MAML1: variants seen among roughly 807,000 people sequenced by gnomAD.
MAML1 encodes mastermind-like protein 1.
Under a neutral mutation model 77.1 loss-of-function variants are expected in MAML1, and 14 were observed. The ratio of observed to expected loss-of-function variants is 0.18; its 90% confidence interval spans 0.12 to 0.28. MAML1 has a LOEUF of 0.28. Ranked by LOEUF, MAML1 falls within the 10% of genes least tolerant of loss-of-function variation. The pLI, the probability that MAML1 is intolerant of heterozygous loss-of-function variation, is 1.00. For synonymous variants in MAML1, 516 were observed against 551.9 expected (o/e 0.93, Z 0.91); for missense variants, 1,217 against 1,327.8 (o/e 0.92, Z 1.30).
chr5:179,758,872 G>A (rs532237204), intron 1 of MAML1, among the ~76,000 whole-genome samples: 11 of 152,088 alleles, frequency 7.2e-5, no homozygotes, highest in East Asian at 1.9e-4. Context: ...GCATGGTGGC[G>A]CACGCCTGTC....
intron 2 of MAML1, among the ~76,000 whole-genome samples, chr5:179,767,119 A>G (rs1276910195): frequency 2.5e-5 from 1 of 39,768 alleles, no homozygotes; most frequent in South Asian, 5.7e-4. Context: ...TTTTTTTTTT[A>G]CTACCTTTCA....
At chr5:179,734,095 A>G (rs1013374705) in intron 1 of MAML1, among the ~76,000 whole-genome samples, 3 of 152,206 alleles carry the variant, frequency 2.0e-5, no homozygotes, top group Admixed American at 6.5e-5. Flanking sequence ...TTGTTGGTCA[A>G]TTATTACTCC....
At chr5:179,759,680 TG>T (rs1779689297) in intron 1 of MAML1, among the ~76,000 whole-genome samples, 1 of 152,100 alleles carries the variant, frequency 6.6e-6, no homozygotes, top group Admixed American at 6.6e-5. Flanking sequence ...ATGTTGACCA[TG>T]GGATTGGGTT....
At position 179,775,010 on chromosome 5, in the gene MAML1, G is replaced by A. The variant is rs1416961598; in HGVS notation, c.*133G>A. The A allele has an allele frequency of 3.4e-6, 5 of 1,472,236 alleles. No individual in the cohort carries two copies. The highest frequency in any genetic ancestry group is 3.6e-6 in the Non-Finnish European group (4 of 1,120,022). The allele number at this position is 1,472,236 out of a possible 1,614,324, so 91.2% of individuals were successfully genotyped here. A position where few individuals can be genotyped will look rare whatever the true frequency, so the allele number is the denominator to read the frequency against. ...GGCAGGTAGAGCCCAAGCTCCAGGT[G>A]AGGCCTGGCCCTGGGCAGGGTCTGT... is the stretch of plus-strand genomic sequence containing the variant. On this transcript the variant is annotated 3_prime_UTR_variant, in exon 5 of 5. Transcript: ENST00000292599.
intron 1 of MAML1, among the ~76,000 whole-genome samples, chr5:179,735,541 C>T (rs943125964): frequency 2.0e-5 from 3 of 152,136 alleles, no homozygotes; most frequent in Admixed American, 2.0e-4. Context: ...GTGCTGGCCA[C>T]CATGCCCAGC....
intron 1 of MAML1, among the ~76,000 whole-genome samples, chr5:179,758,587 A>G (rs2113365453): frequency 6.6e-6 from 1 of 151,892 alleles, no homozygotes; most frequent in East Asian, 1.9e-4. Context: ...ATGGCGTCTC[A>G]CTGTGTTGCC....
In MAML1 at chr5:179,775,428, G is replaced by A. The variant is rs1237511594; in HGVS notation, c.*551G>A. 8 of 985,426 alleles carry A rather than the reference G, an allele frequency of 8.1e-6. No individual in the cohort carries two copies. The highest frequency in any genetic ancestry group is 9.6e-6 in the Non-Finnish European group (8 of 829,934). 61.0% of individuals were successfully genotyped at this position (985,426 alleles called of 1,614,324 possible). A position where few individuals can be genotyped will look rare whatever the true frequency, so the allele number is the denominator to read the frequency against. Reference sequence around the variant, plus strand: ...AAACCTAGGGTTTCCTTTTGATTAAGAGCCTTTTTTGTTTCTGCTCTTTGT... The same window carrying A: ...AAACCTAGGGTTTCCTTTTGATTAAAAGCCTTTTTTGTTTCTGCTCTTTGT... On this transcript the variant is annotated 3_prime_UTR_variant, in exon 5 of 5. Transcript: ENST00000292599.
rs79276061 is a variant in MAML1 at position 179,776,368 on chromosome 5, C to T, written c.*1491C>T. On this transcript the variant is annotated 3_prime_UTR_variant, in exon 5 of 5. Transcript: ENST00000292599. ...ACCAGCCTGAGTCGCGGTGAGGGGA[C>T]GAGAGGTTGTACACACATTGGTAGT... The T allele has an allele frequency of 6.3e-4, 623 of 985,772 alleles. 3 individuals are homozygous for T. The African/African-American group carries it at 0.01, about 16-fold the overall frequency. The allele number at this position is 985,772 out of a possible 1,614,324, so 61.1% of individuals were successfully genotyped here. A position where few individuals can be genotyped will look rare whatever the true frequency, so the allele number is the denominator to read the frequency against.
intron 1 of MAML1, among the ~76,000 whole-genome samples, chr5:179,758,932 A>C (rs1779675026): frequency 6.6e-6 from 1 of 151,858 alleles, no homozygotes; most frequent in South Asian, 2.1e-4. Context: ...GAACCTGCAG[A>C]GGTTGCAGTG....
At chr5:179,772,291 G>A (rs903391856) in intron 4 of MAML1, among the ~76,000 whole-genome samples, 1 of 152,034 alleles carries the variant, frequency 6.6e-6, no homozygotes, top group African/African-American at 2.4e-5. Context: ...GCTCATTTTT[G>A]TATTTTTAGT....
chr5:179,753,654 A>ATTTTTTTTT (rs1209995171), intron 1 of MAML1, among the ~76,000 whole-genome samples: 9 of 88,850 alleles, frequency 1.0e-4, no homozygotes, highest in Admixed American at 1.7e-4. Flanking sequence ...TATTATTATT[A>ATTTTTTTTT]TTTTTTTTTT....
chr5:179,735,300 A>G (rs747754168), intron 1 of MAML1, among the ~76,000 whole-genome samples: 2 of 152,214 alleles, frequency 1.3e-5, no homozygotes, highest in Non-Finnish European at 2.9e-5. Flanking sequence ...TTCTGCCTTA[A>G]AGCTAGTTCC....
At chr5:179,765,234 G>T in intron 1 of MAML1, 92 bp from the exon 2 acceptor site, 2 of 1,089,990 alleles carry the variant, frequency 1.8e-6, no homozygotes, top group East Asian at 2.4e-5. Context: ...ACCCACTGGC[G>T]AGCATTGCAG....
intron 1 of MAML1, among the ~76,000 whole-genome samples, chr5:179,741,657 G>C (rs1411284086): frequency 6.9e-6 from 1 of 143,952 alleles, no homozygotes; most frequent in Non-Finnish European, 1.5e-5. Context: ...TCGTACTACA[G>C]CCTGGGTGGC....
Position 179,733,307 on chromosome 5 carries a change from G to C in MAML1, c.195G>C (p.Gln65His). The change falls in exon 1 of 5, where the codon CAG becomes CAC. Residue 65 changes from glutamine (Q) to histidine (H), a missense_variant. Coordinates refer to ENST00000292599, the MANE Select transcript of MAML1 (RefSeq NM_014757.5). ...HTFALHQRCI[Q>H]AKAKRAGKHR... ...TCGCCCTGCACCAGCGCTGCATCCAGGCCAAGGCCAAGCGCGCCGGGAAGC... is the reference window on the plus strand; with the variant it reads ...TCGCCCTGCACCAGCGCTGCATCCACGCCAAGGCCAAGCGCGCCGGGAAGC... The C allele has an allele frequency of 7.1e-7, 1 of 1,408,308 alleles. No individual in the cohort carries two copies. Among genetic ancestry groups the C allele is most frequent in the Admixed American group, 2.5e-5 (1 of 39,390 alleles). The allele number at this position is 1,408,308 out of a possible 1,614,324, so 87.2% of individuals were successfully genotyped here. A position where few individuals can be genotyped will look rare whatever the true frequency, so the allele number is the denominator to read the frequency against.
chr5:179,743,477 C>T (rs1226192368), intron 1 of MAML1, among the ~76,000 whole-genome samples: 1 of 148,972 alleles, frequency 6.7e-6, no homozygotes, highest in Non-Finnish European at 1.5e-5. Context: ...CGCCATTCTT[C>T]TGCCTCAGCC....
intron 4 of MAML1, among the ~76,000 whole-genome samples, chr5:179,772,334 A>T (rs578057292): frequency 5.9e-5 from 9 of 152,000 alleles, no homozygotes; most frequent in Non-Finnish European, 1.3e-4. Context: ...AGCCAGGCTG[A>T]TCTCACATAC....
intron 2 of MAML1, 127 bp from the exon 3 acceptor site, chr5:179,768,720 GGTT>G: frequency 8.4e-7 from 1 of 1,185,002 alleles, no homozygotes; most frequent in East Asian, 2.3e-5. Flanking sequence ...CCTGTGGGAT[GGTT>G]GTTATTCGAG....
intron 1 of MAML1, among the ~76,000 whole-genome samples, chr5:179,748,961 T>TG (rs60006204): frequency 0.47 from 71,072 of 151,474 alleles, 17,673 homozygotes; most frequent in South Asian, 0.61. Flanking sequence ...TTTTTTTTTT[T>TG]TTTGTTTTTT....
Sources: allele counts gnomAD v4.1 joint callset (sites outside exome capture counted in the v4.1 genomes callset), GRCh38; gene constraint gnomAD v4.1.1; transcripts MANE v1.5; gene names NCBI Gene and HGNC (gene_info 2026-07-23, HGNC 2026-07-21).